Variants in PTCHD4 observed in about 807,000 individuals in gnomAD.
The protein encoded by PTCHD4 is patched domain-containing protein 4.
PTCHD4 carries 33 observed loss-of-function variants against 58.1 expected under a neutral mutation model. That is an observed-to-expected ratio of 0.57 (90% CI 0.43 to 0.76). PTCHD4 has a LOEUF of 0.76. PTCHD4 is among the 30% of genes least tolerant of loss of function. The pLI is 0.00. For synonymous variants in PTCHD4, 478 were observed against 409.6 expected (o/e 1.17, Z -2.02); for missense variants, 1,058 against 1,027.1 (o/e 1.03, Z -0.41).
intron 4 of PTCHD4, among the ~76,000 whole-genome samples, chr6:47,924,502 G>T (rs1581886183): frequency 6.6e-6 from 1 of 152,082 alleles, no homozygotes; most frequent in Non-Finnish European, 1.5e-5. Context: ...AGTATCATGG[G>T]CTGGTTCCTT....
At chr6:47,913,765 G>A (rs564597146) in intron 4 of PTCHD4, among the ~76,000 whole-genome samples, 5 of 152,114 alleles carry the variant, frequency 3.3e-5, no homozygotes, top group Admixed American at 6.6e-5. Context: ...CAGAGATGCC[G>A]AAACTGAAGA....
chr6:48,047,175 G>A (rs1284192549), intron 3 of PTCHD4, among the ~76,000 whole-genome samples: 1 of 151,540 alleles, frequency 6.6e-6, no homozygotes, highest in African/African-American at 2.4e-5. Flanking sequence ...CCCTTCTCTT[G>A]TTCTAATGAC....
chr6:47,950,763 A>C (rs1440129415), intron 4 of PTCHD4, among the ~76,000 whole-genome samples: 1 of 152,180 alleles, frequency 6.6e-6, no homozygotes, highest in Non-Finnish European at 1.5e-5. Context: ...ATGGGACTCT[A>C]TGAGGTCACC....
rs548277664 is a variant in PTCHD4 at position 47,860,982 on chromosome 6, C to T, written c.*17321G>A. Among the ~76,000 whole-genome samples, 5 of 151,824 alleles carry T rather than the reference C, an allele frequency of 3.3e-5. No homozygotes were observed. The highest frequency in any genetic ancestry group is 6.6e-5 in the Admixed American group (1 of 15,208). ...GAGTTGATGTGCTCCATGCTGAGGT[C>T]GAATGAAGAAGATAGAAAGTGCCCC... On this transcript the variant is annotated 3_prime_UTR_variant, in exon 5 of 5. Transcript: ENST00000339488.
chr6:47,967,697 T>G (rs1362889688), intron 4 of PTCHD4, among the ~76,000 whole-genome samples: 1 of 152,248 alleles, frequency 6.6e-6, no homozygotes, highest in Non-Finnish European at 1.5e-5. Flanking sequence ...GTACCAGCAC[T>G]TATTGCTTCA....
chr6:48,058,994 A>G (rs1279682920), intron 3 of PTCHD4, among the ~76,000 whole-genome samples: 2 of 152,234 alleles, frequency 1.3e-5, no homozygotes, highest in African/African-American at 4.8e-5. Context: ...AAAGAAGGTA[A>G]TTCCCTGTCT....
intron 4 of PTCHD4, among the ~76,000 whole-genome samples, chr6:47,955,911 C>G (rs1187149787): frequency 1.3e-5 from 2 of 152,286 alleles, no homozygotes; most frequent in East Asian, 3.9e-4. Context: ...CCATCATTCA[C>G]TTTCTCACAA....
At position 47,873,211 on chromosome 6, in the gene PTCHD4, T is replaced by C. The variant is rs1336734939; in HGVS notation, c.*5092A>G. On this transcript the variant is annotated 3_prime_UTR_variant, in exon 5 of 5. Coordinates refer to ENST00000339488, the MANE Select transcript of PTCHD4 (RefSeq NM_001384253.1). ...TCAAGTGCAATGTATTTGCCTATGA[T>C]CAAGTTTGCTAGCAGTTGAGAATCT... Among the ~76,000 whole-genome samples the C allele has an allele frequency of 2.6e-5, 4 of 151,722 alleles. No individual in the cohort carries two copies. The East Asian group carries it at 7.8e-4, about 29-fold the overall frequency.
chr6:48,062,216 G>A (rs895137670), intron 3 of PTCHD4, among the ~76,000 whole-genome samples: 11 of 152,082 alleles, frequency 7.2e-5, no homozygotes, highest in South Asian at 2.1e-4. Context: ...AAATAAAAAC[G>A]GTTAGAGTGC....
At chr6:47,912,061 G>A (rs1765088002) in intron 4 of PTCHD4, among the ~76,000 whole-genome samples, 1 of 152,090 alleles carries the variant, frequency 6.6e-6, no homozygotes, top group African/African-American at 2.4e-5. Context: ...TGTGTCAAAT[G>A]TTGCTCTGGG....
At chr6:48,042,196 C>T (rs1763872021) in intron 3 of PTCHD4, among the ~76,000 whole-genome samples, 1 of 151,962 alleles carries the variant, frequency 6.6e-6, no homozygotes, top group African/African-American at 2.4e-5. Flanking sequence ...TTTCTTTAAT[C>T]CTTTGGCTTC....
At chr6:47,914,685 T>G (rs1173751205) in intron 4 of PTCHD4, among the ~76,000 whole-genome samples, 1 of 119,138 alleles carries the variant, frequency 8.4e-6, no homozygotes, top group Non-Finnish European at 1.8e-5. Context: ...AACCTATCTA[T>G]CTATCTATCT....
Position 47,879,761 on chromosome 6 carries a change from T to C in PTCHD4, c.1074A>G (p.Ile358Met), listed in dbSNP as rs1318593825. 6.2e-7 allele frequency: 1 copy of C among 1,613,640 alleles called. No homozygotes were observed. Among genetic ancestry groups the C allele is most frequent in the Non-Finnish European group, 8.5e-7 (1 of 1,179,744 alleles). ...FGMGASPFTN[I>M]EAVKVFCQNM... ...TTTGACAGAAGACCTTCACAGCCTC[T>C]ATGTTTGTGAATGGGCTGGCACCCA... Residue 358 changes from isoleucine to methionine, a missense_variant, in exon 5 of 5, where the codon ATA becomes ATG. By Grantham distance (10) the Ile-to-Met change is conservative. Coordinates refer to ENST00000339488, the MANE Select transcript of PTCHD4 (RefSeq NM_001384253.1).
intron 3 of PTCHD4, among the ~76,000 whole-genome samples, chr6:48,067,604 C>T (rs1764843905): frequency 6.6e-6 from 1 of 152,102 alleles, no homozygotes; most frequent in East Asian, 1.9e-4. Context: ...ACACAAACTC[C>T]CCACATGTTA....
intron 4 of PTCHD4, among the ~76,000 whole-genome samples, chr6:47,967,169 G>T (rs1029298277): frequency 1.3e-5 from 2 of 152,152 alleles, no homozygotes; most frequent in African/African-American, 4.8e-5. Flanking sequence ...GTTCAGAATA[G>T]ATATTGTGTT....
intron 4 of PTCHD4, among the ~76,000 whole-genome samples, chr6:47,962,472 AG>A (rs923558833): frequency 5.3e-5 from 8 of 152,146 alleles, no homozygotes; most frequent in African/African-American, 1.9e-4. Flanking sequence ...AGGAGAGACC[AG>A]ATGGAGATAA....
chr6:48,011,102 G>A lies in PTCHD4; in HGVS notation c.418-1988C>T, dbSNP rs1582017004. Reference sequence around the variant, plus strand: ...CCTTTGGTTATATGCCCAGCAATGGGATTGCTTGGTCAAGTGGTATTTCTG... The same window carrying A: ...CCTTTGGTTATATGCCCAGCAATGGAATTGCTTGGTCAAGTGGTATTTCTG... On this transcript the variant is annotated intron_variant, in intron 3 of 4. Transcript: ENST00000339488. 2.0e-5 allele frequency among the ~76,000 whole-genome samples: 3 copies of A among 152,186 alleles called. No homozygotes were observed. In the South Asian group the frequency reaches 6.2e-4, roughly 32 times the overall value.
chr6:47,879,366 T>C lies in PTCHD4; in HGVS notation c.1469A>G (p.Asn490Ser), dbSNP rs776377639. The stretch of plus-strand genomic sequence containing the variant: ...ACTTGGCGAATCACTGGCTAGTAGA[T>C]TGATGATGTTGGCTCCGTCACTGAT... ...LQISDGANII[N>S]LLASDSPSVS... Residue 490 changes from asparagine (N) to serine (S), a missense_variant, in exon 5 of 5, where the codon AAT (asparagine) becomes AGT (serine). Transcript: ENST00000339488. The C allele has an allele frequency of 9.3e-6, 15 of 1,613,414 alleles. No individual in the cohort carries two copies. In the South Asian group the frequency reaches 9.9e-5, roughly 11 times the overall value.
At chr6:48,022,869 A>G (rs1372726586) in intron 3 of PTCHD4, among the ~76,000 whole-genome samples, 2 of 152,274 alleles carry the variant, frequency 1.3e-5, no homozygotes, top group South Asian at 4.1e-4. Context: ...TTAACCAAAA[A>G]TCATTATATA....
Sources: allele counts gnomAD v4.1 joint callset (sites outside exome capture counted in the v4.1 genomes callset), GRCh38; gene constraint gnomAD v4.1.1; transcripts MANE v1.5; gene names NCBI Gene and HGNC (gene_info 2026-07-23, HGNC 2026-07-21).